ITGA11: variants seen among roughly 807,000 people sequenced by gnomAD.
ITGA11 encodes the protein integrin subunit alpha 11.
ITGA11 carries 97 observed loss-of-function variants against 141.9 expected under a neutral mutation model. That is an observed-to-expected ratio of 0.68 (90% CI 0.58 to 0.81). The LOEUF (loss-of-function observed/expected upper bound fraction) is 0.81. Among genes scored for constraint, ITGA11 ranks in the 30% least tolerant of loss-of-function variants. The pLI is 0.00. For missense variants in ITGA11, 1,387 were observed against 1,559.2 expected, an observed-to-expected ratio of 0.89 and a Z score of 1.86; for synonymous variants, 658 against 624.6, an observed-to-expected ratio of 1.05 and a Z score of -0.80.
At chr15:68,423,698 A>C (rs1897073129) in intron 1 of ITGA11, among the ~76,000 whole-genome samples, 1 of 152,176 alleles carries the variant, frequency 6.6e-6, no homozygotes, top group South Asian at 2.1e-4. Flanking sequence ...CTGTGGAGAA[A>C]GCTCTGGATG....
intron 2 of ITGA11, among the ~76,000 whole-genome samples, chr15:68,381,437 A>C (rs575341176): frequency 6.6e-6 from 1 of 152,230 alleles, no homozygotes; most frequent in East Asian, 1.9e-4. Flanking sequence ...ATATGAATAA[A>C]CAAATAAATG....
chr15:68,432,162 C>T lies in ITGA11; in HGVS notation c.-96G>A, dbSNP rs1897286281. 1 of 864,540 alleles carries T rather than the reference C, an allele frequency of 1.2e-6. No homozygotes were observed. Among genetic ancestry groups the T allele is most frequent in the South Asian group, 4.7e-5 (1 of 21,124 alleles). The allele number at this position is 864,540 out of a possible 1,614,324, so 53.6% of individuals were successfully genotyped here. A position where few individuals can be genotyped will look rare whatever the true frequency, so the allele number is the denominator to read the frequency against. ...CTCGGCGCGGCGCCTGCAGCCTGCA[C>T]TGCGCGGGGCGCCGGGCTCCCTGAC... is the stretch of plus-strand genomic sequence containing the variant. On this transcript the variant is annotated 5_prime_UTR_variant, in exon 1 of 30. In the 5' UTR this introduces an upstream ATG that the reference lacks. Coordinates refer to ENST00000315757, the MANE Select transcript of ITGA11 (RefSeq NM_001004439.2).
At chr15:68,345,976 T>G (rs1403458197) in intron 10 of ITGA11, among the ~76,000 whole-genome samples, 1 of 151,916 alleles carries the variant, frequency 6.6e-6, no homozygotes, top group Non-Finnish European at 1.5e-5. Context: ...GTTTTTGTTT[T>G]TGTTTTTGTT....
chr15:68,418,459 C>T (rs1196284127), intron 1 of ITGA11, among the ~76,000 whole-genome samples: 3 of 152,070 alleles, frequency 2.0e-5, no homozygotes, highest in Non-Finnish European at 2.9e-5. Context: ...TTCACATGGC[C>T]CTCAGTTGCC....
At chr15:68,332,223 C>G in intron 13 of ITGA11, 115 bp downstream of exon 13, 1 of 1,342,932 alleles carries the variant, frequency 7.4e-7, no homozygotes, top group Non-Finnish European at 1.0e-6. Flanking sequence ...TCTGATTCTC[C>G]CCAGGCCTGG....
rs368263594 is a variant in ITGA11 at position 68,336,889 on chromosome 15, C to G, written c.1277-1044G>C. On this transcript the variant is annotated intron_variant, in intron 11 of 29. Coordinates refer to ENST00000315757, the MANE Select transcript of ITGA11 (RefSeq NM_001004439.2). ...TATAGGGTGTACAGATGAGCTGACT[C>G]AGTGCCTGGGGGTGAACTGCTCTGG... Among the ~76,000 whole-genome samples, 19 of 152,306 alleles carry G rather than the reference C, an allele frequency of 1.2e-4. No homozygotes were observed. In the East Asian group the frequency reaches 2.3e-3, roughly 19 times the overall value.
At chr15:68,425,985 C>T (rs1897133765) in intron 1 of ITGA11, among the ~76,000 whole-genome samples, 1 of 152,214 alleles carries the variant, frequency 6.6e-6, no homozygotes, top group Admixed American at 6.5e-5. Flanking sequence ...GCTGCATCAC[C>T]CAAGCCACAA....
chr15:68,314,874 G>A (rs913503462), intron 22 of ITGA11, among the ~76,000 whole-genome samples: 1 of 152,152 alleles, frequency 6.6e-6, no homozygotes, highest in Non-Finnish European at 1.5e-5. Flanking sequence ...GTTAGTGTTC[G>A]GTTTGCCTGG....
intron 4 of ITGA11, 60 bp downstream of exon 4, chr15:68,364,647 A>ACCCCAACCCCCC: frequency 2.2e-6 from 2 of 904,822 alleles, no homozygotes; most frequent in Non-Finnish European, 3.6e-6. Context: ...GAGACGCTCC[A>ACCCCAACCCCCC]CCCCTCCCCA....
At chr15:68,366,335 C>T (rs1293192216) in intron 3 of ITGA11, among the ~76,000 whole-genome samples, 1 of 152,108 alleles carries the variant, frequency 6.6e-6, no homozygotes, top group Non-Finnish European at 1.5e-5. Context: ...GGGTTAGTGA[C>T]TGCCACAAGG....
At chr15:68,349,892 G>T (rs1479118586) in intron 9 of ITGA11, among the ~76,000 whole-genome samples, 2 of 152,114 alleles carry the variant, frequency 1.3e-5, no homozygotes, top group African/African-American at 4.8e-5. Context: ...CACAAGCTAG[G>T]GTTGCCTGAT....
Position 68,325,914 on chromosome 15 carries a change from A to G in ITGA11, c.2212-673T>C, listed in dbSNP as rs1893957789. On this transcript the variant is annotated intron_variant, in intron 17 of 29. Transcript: ENST00000315757. This position sits in a 1 kb window ranked among gnomAD's most constrained non-coding sequence, Gnocchi z 5.5. The stretch of plus-strand genomic sequence containing the variant: ...GAGTCCCCTGGGAGCTTGTTAAAAC[A>G]CAGGGTGCTGGCGCCAGCCCCAGCC... Among the ~76,000 whole-genome samples the G allele has an allele frequency of 6.6e-6, 1 of 152,256 alleles. No homozygotes were observed. Among genetic ancestry groups the G allele is most frequent in the African/African-American group, 2.4e-5 (1 of 41,474 alleles).
At chr15:68,323,943 C>T (rs1472514032) in intron 18 of ITGA11, among the ~76,000 whole-genome samples, 1 of 152,198 alleles carries the variant, frequency 6.6e-6, no homozygotes, top group African/African-American at 2.4e-5. Flanking sequence ...GCAGGGATTA[C>T]CCTGTGTGTT....
At chr15:68,361,793 C>G in intron 4 of ITGA11, 89 bp from the exon 5 acceptor site, 1 of 816,124 alleles carries the variant, frequency 1.2e-6, no homozygotes, top group East Asian at 2.7e-5. Flanking sequence ...CCATCCTCCA[C>G]GACCCAAGAC....
At position 68,325,191 on chromosome 15, in the gene ITGA11, C is replaced by T. The variant is rs765231406; in HGVS notation, c.2262G>A (p.Leu754=). 2 of 1,613,918 alleles carry T rather than the reference C, an allele frequency of 1.2e-6. No individual in the cohort carries two copies. Among genetic ancestry groups the T allele is most frequent in the South Asian group, 1.1e-5 (1 of 91,064 alleles). ...GCATGGGGCCATGGTCAGGGTCCTCCAGGGAATACTCGACTGAGAAGGTCA... is the reference window on the plus strand; with the variant it reads ...GCATGGGGCCATGGTCAGGGTCCTCTAGGGAATACTCGACTGAGAAGGTCA... The part of the protein sequence containing the change: ...KPVTFSVEYS[L]EDPDHGPMLD... The change falls in exon 18 of 30, where the codon CTG becomes CTA. Residue 754 remains leucine, a synonymous_variant. Coordinates refer to ENST00000315757, the MANE Select transcript of ITGA11 (RefSeq NM_001004439.2). The surrounding 1 kb of genome is among the most constrained non-coding windows in gnomAD (Gnocchi z 5.5).
chr15:68,323,556 G>T (rs1453455578), intron 18 of ITGA11, among the ~76,000 whole-genome samples: 2 of 152,194 alleles, frequency 1.3e-5, no homozygotes, highest in Non-Finnish European at 2.9e-5. Context: ...TGGGAAGAAT[G>T]TGTCTCACTT....
Position 68,403,017 on chromosome 15 carries a change from G to C in ITGA11, c.65C>G (p.Thr22Ser), listed in dbSNP as rs1450697925. Residue 22 changes from threonine (T) to serine (S), a missense_variant, in exon 2 of 30, where the codon ACC becomes AGC. By Grantham distance (58) the Thr-to-Ser change is moderately conservative. Coordinates refer to ENST00000315757, the MANE Select transcript of ITGA11 (RefSeq NM_001004439.2). Reference sequence around the variant, plus strand: ...GGGCTTCCTGGTGTCCATGTTGAAGGTGTCCGTGAACCCTGAGGCAGGGGG... The same window carrying C: ...GGGCTTCCTGGTGTCCATGTTGAAGCTGTCCGTGAACCCTGAGGCAGGGGG... Reference protein sequence around the residue: ...ALSLWPGFTDTFNMDTRKPRV... With the variant: ...ALSLWPGFTDSFNMDTRKPRV... 1.2e-6 allele frequency: 2 copies of C among 1,612,558 alleles called. No individual in the cohort carries two copies. Among genetic ancestry groups the C allele is most frequent in the Non-Finnish European group, 1.7e-6 (2 of 1,178,946 alleles).
At position 68,320,224 on chromosome 15, in the gene ITGA11, C is replaced by A. The variant is rs372916299; in HGVS notation, c.2577G>T (p.Ser859=). The A allele has an allele frequency of 1.9e-6, 3 of 1,613,896 alleles. No homozygotes were observed. The highest frequency in any genetic ancestry group is 2.5e-6 in the Non-Finnish European group (3 of 1,179,902). The change falls in exon 20 of 30, where the codon TCG becomes TCT. Residue 859 remains serine, a synonymous_variant. Coordinates refer to ENST00000315757, the MANE Select transcript of ITGA11 (RefSeq NM_001004439.2). ...ENAYSTVLNI[S]QSANLQFASL... is the part of the protein sequence containing the mutation. ...TGGCAAACTGCAGGTTTGCTGACTG[C>A]GAGATATTTAGGACCGTGCTGTAGG...
chr15:68,387,537 G>A (rs1342433607), intron 2 of ITGA11, among the ~76,000 whole-genome samples: 1 of 152,234 alleles, frequency 6.6e-6, no homozygotes, highest in Non-Finnish European at 1.5e-5. Context: ...GCTAAGGTTT[G>A]AGAGTCATTG....
Sources: gnomAD v4.1 joint callset for allele counts (sites outside exome capture counted in the v4.1 genomes callset) on GRCh38, gnomAD v4.1.1 for gene constraint, Gnocchi (gnomAD v3.1) non-coding constraint, MANE v1.5 for transcripts, NCBI Gene and HGNC (gene_info 2026-07-23, HGNC 2026-07-21) for gene names.